Variants in CXADR observed in about 807,000 individuals in gnomAD.
CXADR encodes CXADR cell adhesion molecule, also known as coxsackievirus and adenovirus receptor.
Under a neutral mutation model 40.3 loss-of-function variants are expected in CXADR, and 20 were observed. The observed-to-expected ratio is 0.50, with a 90% CI of 0.35 to 0.72. CXADR has a LOEUF of 0.72. Ranked by LOEUF, CXADR falls within the 30% of genes least tolerant of loss-of-function variation. CXADR has a pLI of 0.01. For synonymous variants in CXADR, 150 were observed against 161.3 expected (o/e 0.93, Z 0.53); for missense variants, 332 against 449.1 (o/e 0.74, Z 2.36).
intron 3 of CXADR, 118 bp downstream of exon 3, chr21:17,552,071 C>T (rs1235977895): frequency 5.4e-6 from 4 of 736,722 alleles, no homozygotes; most frequent in Non-Finnish European, 8.9e-6. Context: ...CAATTTTAAA[C>T]ACTTGAAGTA....
Position 17,568,391 on chromosome 21 carries a change from G to A in CXADR, c.*2699G>A. On this transcript the variant is annotated 3_prime_UTR_variant, in exon 7 of 7. Transcript: ENST00000284878. ...GATCTGCCTGCCTCGGCCTCCCAAA[G>A]TGCTGGGATTACAGGCGTGAACCAC... is the stretch of plus-strand genomic sequence containing the variant. The A allele has an allele frequency of 1.0e-6, 1 of 969,374 alleles. No individual in the cohort carries two copies. The highest frequency in any genetic ancestry group is 1.2e-6 in the Non-Finnish European group (1 of 815,872). 60.0% of individuals were successfully genotyped at this position (969,374 alleles called of 1,614,324 possible).
chr21:17,570,587 C>A (rs2061270022), downstream of CXADR, among the ~76,000 whole-genome samples: 1 of 152,110 alleles, frequency 6.6e-6, no homozygotes. Context: ...GCCATTAATG[C>A]TATTCATGAG....
the CXADR span, among the ~76,000 whole-genome samples, chr21:17,601,848 A>G: frequency 5.3e-5 from 8 of 152,356 alleles, 1 homozygote; most frequent in East Asian, 1.5e-3. Flanking sequence ...AAGGGCAAAT[A>G]TCTAATGATT....
At position 17,568,314 on chromosome 21, in the gene CXADR, G is replaced by A. The variant is rs571959650; in HGVS notation, c.*2622G>A. On this transcript the variant is annotated 3_prime_UTR_variant, in exon 7 of 7. Transcript: ENST00000284878. Reference sequence around the variant, plus strand: ...CGGCTAAGTTTTTGTAATTTTAGTAGAGACAGGGTTTCACCGTGTTAGCCA... The same window carrying A: ...CGGCTAAGTTTTTGTAATTTTAGTAAAGACAGGGTTTCACCGTGTTAGCCA... The A allele has an allele frequency of 6.9e-5, 55 of 793,578 alleles. No homozygotes were observed. The South Asian group carries it at 2.5e-3, about 36-fold the overall frequency. The allele number at this position is 793,578 out of a possible 1,614,324, so 49.2% of individuals were successfully genotyped here.
chr21:17,564,169 T>TA lies in CXADR; in HGVS notation c.834-1258dup, dbSNP rs199578014. ...GTATCCATGGAGGACCTCCTGCAGA[T>TA]ACCAAAATCCAAGGATGCTCAAGTC... On this transcript the variant is annotated intron_variant, in intron 6 of 6. Transcript: ENST00000284878. Among the ~76,000 whole-genome samples, 840 of 151,538 alleles carry TA rather than the reference T, an allele frequency of 5.5e-3. 8 individuals carry two copies. Among genetic ancestry groups the TA allele is most frequent in the South Asian group, 0.033 (156 of 4,792 alleles).
At chr21:17,534,681 A>C (rs1169413346) in intron 1 of CXADR, among the ~76,000 whole-genome samples, 1 of 152,122 alleles carries the variant, frequency 6.6e-6, no homozygotes, top group Admixed American at 6.5e-5. Flanking sequence ...TAAATGCACA[A>C]AATTACACTT....
the CXADR span, among the ~76,000 whole-genome samples, chr21:17,608,105 G>A: frequency 6.4e-3 from 967 of 152,256 alleles, 59 homozygotes; most frequent in East Asian, 0.13. Flanking sequence ...GGTGGCTCAC[G>A]CCTGTAATCC....
chr21:17,550,326 C>T (rs2060949997), intron 2 of CXADR, among the ~76,000 whole-genome samples: 1 of 144,628 alleles, frequency 6.9e-6, no homozygotes, highest in Admixed American at 7.3e-5. Flanking sequence ...TGCACTCCTG[C>T]CTGGGCGATA....
At chr21:17,611,475 T>C in the CXADR span, among the ~76,000 whole-genome samples, 15 of 152,306 alleles carry the variant, frequency 9.8e-5, no homozygotes, top group East Asian at 2.3e-3. Context: ...ATTTGGACTT[T>C]TGTTTTCCCC....
chr21:17,603,034 C>G, the CXADR span, among the ~76,000 whole-genome samples: 1 of 152,108 alleles, frequency 6.6e-6, no homozygotes, highest in South Asian at 2.1e-4. Context: ...TTTTTGGTAG[C>G]GTCTGACTCA....
intron 1 of CXADR, among the ~76,000 whole-genome samples, chr21:17,528,309 C>T (rs1277200048): frequency 6.6e-6 from 1 of 151,776 alleles, no homozygotes; most frequent in Non-Finnish European, 1.5e-5. Context: ...TTCCTGACCT[C>T]GTGATTCGCC....
intron 1 of CXADR, among the ~76,000 whole-genome samples, chr21:17,530,908 G>A (rs2060666094): frequency 6.6e-6 from 1 of 152,198 alleles, no homozygotes; most frequent in Non-Finnish European, 1.5e-5. Context: ...GAATTTCTGA[G>A]TCCTGTAGGT....
At chr21:17,611,941 G>C in the CXADR span, 2 of 152,222 alleles carry the variant, frequency 1.3e-5, no homozygotes, top group Non-Finnish European at 1.5e-5. Flanking sequence ...CGAGAAGACT[G>C]GCCCGTGGGG....
the CXADR span, among the ~76,000 whole-genome samples, chr21:17,616,338 T>C: frequency 6.8e-6 from 1 of 147,766 alleles, no homozygotes; most frequent in East Asian, 2.0e-4. Flanking sequence ...CAAAAGTCTT[T>C]TTTTTTTTTT....
the CXADR span, among the ~76,000 whole-genome samples, chr21:17,609,832 G>T: frequency 6.6e-6 from 1 of 152,082 alleles, no homozygotes; most frequent in Non-Finnish European, 1.5e-5. Context: ...CAATGAAAAG[G>T]AATGAGTACT....
intron 4 of CXADR, among the ~76,000 whole-genome samples, chr21:17,560,243 GGTTTTCTCTCTGCCTCTCT>G (rs2061097715): frequency 6.6e-6 from 1 of 152,140 alleles, no homozygotes; most frequent in South Asian, 2.1e-4. Flanking sequence ...GTCTTTAGTA[GGTTTTCTCTCTGCCTCTCT>G]GTTTTTCAAA....
the CXADR span, among the ~76,000 whole-genome samples, chr21:17,610,298 C>G: frequency 6.6e-6 from 1 of 152,190 alleles, no homozygotes; most frequent in African/African-American, 2.4e-5. Context: ...TTGAACTGTA[C>G]ATTTTAAATG....
At chr21:17,579,509 C>T (rs2061345552) in intron 7 of CXADR, among the ~76,000 whole-genome samples, 1 of 152,204 alleles carries the variant, frequency 6.6e-6, no homozygotes, top group Non-Finnish European at 1.5e-5. Flanking sequence ...TGGTCTCGAT[C>T]TCCTGACCTC....
At chr21:17,575,933 C>G (rs1031321057) in intron 7 of CXADR, among the ~76,000 whole-genome samples, 1 of 150,996 alleles carries the variant, frequency 6.6e-6, no homozygotes, top group African/African-American at 2.4e-5. Context: ...ACTAAAAATA[C>G]AAAAATTAGC....
Sources: gnomAD v4.1 joint callset for allele counts (sites outside exome capture counted in the v4.1 genomes callset) on GRCh38, gnomAD v4.1.1 for gene constraint, MANE v1.5 for transcripts, NCBI Gene and HGNC (gene_info 2026-07-23, HGNC 2026-07-21) for gene names.